KMT5B: variants seen among roughly 807,000 people sequenced by gnomAD.
The protein encoded by KMT5B is lysine methyltransferase 5B.
Under a neutral mutation model 83.2 loss-of-function variants are expected in KMT5B, and 10 were observed. The observed-to-expected ratio is 0.12, with a 90% CI of 0.07 to 0.20. The LOEUF is 0.20. Ranked by LOEUF, KMT5B falls within the 10% of genes least tolerant of loss-of-function variation. The pLI, the probability that KMT5B is intolerant of heterozygous loss-of-function variation, is 1.00. For synonymous variants in KMT5B, 349 were observed against 388.8 expected (o/e 0.90, Z 1.20); for missense variants, 753 against 1,067.2 (o/e 0.71, Z 4.10).
intron 1 of KMT5B, among the ~76,000 whole-genome samples, chr11:68,201,918 CAAAAAAAAA>C (rs779662280): frequency 1.2e-5 from 1 of 82,938 alleles, no homozygotes; most frequent in Non-Finnish European, 2.5e-5. Flanking sequence ...CAGTCTCTAC[CAAAAAAAAA>C]AAAAAAAAAA....
chr11:68,185,755 C>T, intron 3 of KMT5B, 26 bp downstream of exon 3: 3 of 1,596,582 alleles, frequency 1.9e-6, no homozygotes, highest in Non-Finnish European at 2.6e-6. Flanking sequence ...TCATCTGTTC[C>T]ATTCAGGATA....
intron 9 of KMT5B, among the ~76,000 whole-genome samples, chr11:68,168,884 C>T (rs1237109049): frequency 6.6e-6 from 1 of 152,146 alleles, no homozygotes; most frequent in Non-Finnish European, 1.5e-5. Flanking sequence ...TGGCACTGTG[C>T]TGGTCTTGTT....
intron 10 of KMT5B, among the ~76,000 whole-genome samples, chr11:68,163,043 T>TAA (rs5792436): frequency 0.64 from 97,360 of 151,818 alleles, 31,987 homozygotes; most frequent in East Asian, 0.89. Context: ...TCAATGATTT[T>TAA]AAAGTCCATC....
At chr11:68,194,143 T>C (rs1452435524) in intron 1 of KMT5B, among the ~76,000 whole-genome samples, 4 of 151,692 alleles carry the variant, frequency 2.6e-5, no homozygotes, top group African/African-American at 7.3e-5. Context: ...ACAATATGAA[T>C]TGTGGCATTC....
At chr11:68,160,760 A>G (rs1854786862) in intron 10 of KMT5B, among the ~76,000 whole-genome samples, 2 of 152,318 alleles carry the variant, frequency 1.3e-5, no homozygotes, top group African/African-American at 2.4e-5. Context: ...CAACCTGGCC[A>G]ATATGGTGAA....
In KMT5B at chr11:68,157,662, T is replaced by A. The variant is rs200789045; in HGVS notation, c.*26A>T. Reference sequence around the variant, plus strand: ...ATTTTTTATTTCTTTAAAGTAGTTATCCCAGGTCAAGTTAAGACCAAGAGC... The same window carrying A: ...ATTTTTTATTTCTTTAAAGTAGTTAACCCAGGTCAAGTTAAGACCAAGAGC... On this transcript the variant is annotated 3_prime_UTR_variant, in exon 11 of 11. Coordinates refer to ENST00000304363, the MANE Select transcript of KMT5B (RefSeq NM_017635.5). 3.3e-6 allele frequency: 5 copies of A among 1,513,274 alleles called. No homozygotes were observed. The East Asian group carries it at 1.1e-4, about 35-fold the overall frequency. 93.7% of individuals were successfully genotyped at this position (1,513,274 alleles called of 1,614,324 possible). A position where few individuals can be genotyped will look rare whatever the true frequency, so the allele number is the denominator to read the frequency against.
rs1443201236 is a variant in KMT5B at position 68,157,413 on chromosome 11, A to G, written c.*275T>C. ...TCAACGTCCTGTGTGGAAAGTTGCTATCACTGTACAATTTTGCTTGAGCCT... is the reference window on the plus strand; with the variant it reads ...TCAACGTCCTGTGTGGAAAGTTGCTGTCACTGTACAATTTTGCTTGAGCCT... On this transcript the variant is annotated 3_prime_UTR_variant, in exon 11 of 11. Transcript: ENST00000304363. 1.4e-5 allele frequency: 4 copies of G among 284,592 alleles called. No individual in the cohort carries two copies. Among genetic ancestry groups the G allele is most frequent in the Admixed American group, 4.9e-5 (1 of 20,548 alleles). The allele number at this position is 284,592 out of a possible 1,614,324, so 17.6% of individuals were successfully genotyped here.
At chr11:68,176,875 G>A (rs976133397) in intron 4 of KMT5B, among the ~76,000 whole-genome samples, 1 of 152,028 alleles carries the variant, frequency 6.6e-6, no homozygotes. Context: ...TGGTTCAGGA[G>A]AAAAAAATCT....
At chr11:68,211,384 A>C (rs1169606487) in intron 1 of KMT5B, among the ~76,000 whole-genome samples, 3 of 152,238 alleles carry the variant, frequency 2.0e-5, no homozygotes, top group African/African-American at 7.2e-5. Flanking sequence ...ATCATGGATA[A>C]AGAATCAAGC....
At chr11:68,182,476 T>G (rs1208434629) in intron 3 of KMT5B, among the ~76,000 whole-genome samples, 1 of 152,198 alleles carries the variant, frequency 6.6e-6, no homozygotes, top group African/African-American at 2.4e-5. Context: ...TTTTGTTTTT[T>G]AATATAGGGT....
intron 1 of KMT5B, among the ~76,000 whole-genome samples, chr11:68,197,375 T>C (rs1472899095): frequency 6.6e-6 from 1 of 152,226 alleles, no homozygotes; most frequent in East Asian, 1.9e-4. Flanking sequence ...CTCCAGGTGA[T>C]GCAAGCTCCA....
At chr11:68,185,740 C>T (rs774641100) in intron 3 of KMT5B, 41 bp downstream of exon 3, 1 of 1,542,840 alleles carries the variant, frequency 6.5e-7, no homozygotes, top group Non-Finnish European at 8.8e-7. Flanking sequence ...TTGAATTCAA[C>T]ATAATCATCT....
chr11:68,167,390 C>G (rs1453592818), intron 9 of KMT5B, among the ~76,000 whole-genome samples: 4 of 151,468 alleles, frequency 2.6e-5, no homozygotes, highest in Admixed American at 2.6e-4. Flanking sequence ...AATAAAACAA[C>G]TTGTTATGAC....
intron 1 of KMT5B, among the ~76,000 whole-genome samples, chr11:68,193,953 C>G (rs1161267832): frequency 1.3e-5 from 2 of 151,642 alleles, no homozygotes; most frequent in Non-Finnish European, 2.9e-5. Context: ...GCATGAGCCA[C>G]CACACTCAGT....
chr11:68,162,969 G>T (rs1488938048), intron 10 of KMT5B, among the ~76,000 whole-genome samples: 4 of 152,298 alleles, frequency 2.6e-5, no homozygotes, highest in Non-Finnish European at 5.9e-5. Flanking sequence ...CCTGGCAGGG[G>T]TTGAGAATTT....
intron 10 of KMT5B, among the ~76,000 whole-genome samples, chr11:68,159,555 G>A (rs1381583253): frequency 6.6e-6 from 1 of 152,116 alleles, no homozygotes; most frequent in Non-Finnish European, 1.5e-5. Context: ...TCCTTTCACA[G>A]ATTCTCCTTA....
intron 1 of KMT5B, among the ~76,000 whole-genome samples, chr11:68,191,081 C>G (rs567507152): frequency 6.6e-6 from 1 of 152,222 alleles, no homozygotes; most frequent in East Asian, 1.9e-4. Flanking sequence ...ACTGCAACCT[C>G]AAATTCCAGG....
intron 10 of KMT5B, 126 bp from the exon 11 acceptor site, chr11:68,159,297 G>A (rs1854654137): frequency 7.4e-7 from 1 of 1,348,738 alleles, no homozygotes; most frequent in African/African-American, 1.5e-5. Context: ...CACGGCTCCT[G>A]CTGCAGATTC....
intron 1 of KMT5B, among the ~76,000 whole-genome samples, chr11:68,202,244 T>C (rs1242665456): frequency 6.6e-6 from 1 of 152,172 alleles, no homozygotes; most frequent in Non-Finnish European, 1.5e-5. Flanking sequence ...ACAAGCAATA[T>C]TTACCTGCTA....
Sources: allele counts gnomAD v4.1 joint callset (sites outside exome capture counted in the v4.1 genomes callset), GRCh38; gene constraint gnomAD v4.1.1; transcripts MANE v1.5; gene names NCBI Gene and HGNC (gene_info 2026-07-23, HGNC 2026-07-21).